Variants in COL4A2 observed in about 807,000 individuals in gnomAD.
COL4A2 encodes collagen type IV alpha 2 chain.
Under a neutral mutation model 200.2 loss-of-function variants are expected in COL4A2, and 99 were observed. The observed-to-expected ratio is 0.49, with a 90% CI of 0.42 to 0.58. The LOEUF is 0.58. COL4A2 is among the 20% of genes least tolerant of loss of function. The pLI, the probability that COL4A2 is intolerant of heterozygous loss-of-function variation, is 0.00. For missense variants in COL4A2, 1,950 were observed against 2,314.1 expected (o/e 0.84, Z 3.23); for synonymous variants, 897 against 900.6 (o/e 1.00, Z 0.07).
At chr13:110,473,502 T>G in intron 29 of COL4A2, 9 of 245,546 alleles carry the variant, frequency 3.7e-5, no homozygotes, top group East Asian at 8.2e-5. Context: ...AGATGGGCCC[T>G]GGCCATGCTT....
intron 3 of COL4A2, among the ~76,000 whole-genome samples, chr13:110,356,396 T>C (rs1877266251): frequency 2.0e-5 from 3 of 152,194 alleles, no homozygotes; most frequent in Non-Finnish European, 4.4e-5. Context: ...GCAAGTGATA[T>C]CGGTGGTGCA....
intron 4 of COL4A2, among the ~76,000 whole-genome samples, chr13:110,364,937 C>T (rs1594171483): frequency 1.3e-5 from 2 of 152,302 alleles, no homozygotes; most frequent in East Asian, 1.9e-4. Flanking sequence ...CTGAAGTACT[C>T]GCATAGCCAC....
chr13:110,449,165 C>T (rs1298697984), intron 18 of COL4A2, among the ~76,000 whole-genome samples: 1 of 152,238 alleles, frequency 6.6e-6, no homozygotes, highest in African/African-American at 2.4e-5. Context: ...TCTCATTCTT[C>T]TCATCTTTCC....
At chr13:110,475,918 G>A (rs964365994) in intron 29 of COL4A2, among the ~76,000 whole-genome samples, 2 of 152,256 alleles carry the variant, frequency 1.3e-5, no homozygotes, top group African/African-American at 4.8e-5. Flanking sequence ...CAGCTCTAAA[G>A]AAATAATCAC....
chr13:110,314,258 A>G lies in COL4A2; in HGVS notation c.99+6135A>G, dbSNP rs1450858727. Reference sequence around the variant, plus strand: ...CTCTGCAACTCTTCTGCAAATCTCAATTGCTTCAGAATTTTAAAATGCTCC... The same window carrying G: ...CTCTGCAACTCTTCTGCAAATCTCAGTTGCTTCAGAATTTTAAAATGCTCC... On this transcript the variant is annotated intron_variant, in intron 3 of 47. Coordinates refer to ENST00000360467, the MANE Select transcript of COL4A2 (RefSeq NM_001846.4). Among the ~76,000 whole-genome samples the G allele has an allele frequency of 7.9e-5, 12 of 152,268 alleles. No individual in the cohort carries two copies. The East Asian group carries it at 1.9e-3, about 24-fold the overall frequency.
At chr13:110,352,519 G>T (rs1877008079) in intron 3 of COL4A2, among the ~76,000 whole-genome samples, 1 of 152,234 alleles carries the variant, frequency 6.6e-6, no homozygotes, top group African/African-American at 2.4e-5. Context: ...CACAGTGCAT[G>T]GCTCAGAGGA....
intron 34 of COL4A2, among the ~76,000 whole-genome samples, chr13:110,487,567 A>G (rs1329136511): frequency 6.6e-6 from 1 of 152,276 alleles, no homozygotes; most frequent in East Asian, 1.9e-4. Flanking sequence ...ATGTCCATCA[A>G]CAGGGAAAAG....
Position 110,442,673 on chromosome 13 carries a change from T to G in COL4A2, c.957+2840T>G, listed in dbSNP as rs76197497. ...AGAACTTCTATTAGTTCCAGCCTTT[T>G]CTAAAAAGGAATGGAGACGTAGCAT... On this transcript the variant is annotated intron_variant, in intron 16 of 47. Transcript: ENST00000360467. Among the ~76,000 whole-genome samples the G allele has an allele frequency of 4.6e-3, 695 of 152,362 alleles. 2 individuals are homozygous for G. Among genetic ancestry groups the G allele is most frequent in the African/African-American group, 0.016 (657 of 41,580 alleles).
At position 110,438,673 on chromosome 13, in the gene COL4A2, A is replaced by C; in HGVS notation, c.912+5A>C. On this transcript the variant is annotated splice_donor_5th_base_variant and intron_variant, in intron 15 of 47. Coordinates refer to ENST00000360467, the MANE Select transcript of COL4A2 (RefSeq NM_001846.4). ...ATGGGCTTTCCTGGACTGAGGGTAA[A>C]CCACGCCTTTTATAACTGCAGTTGT... The C allele has an allele frequency of 6.2e-7, 1 of 1,614,018 alleles. No homozygotes were observed. The highest frequency in any genetic ancestry group is 2.2e-5 in the East Asian group (1 of 44,888).
chr13:110,357,589 C>T (rs1877335328), intron 4 of COL4A2, 37 bp downstream of exon 4: 1 of 1,553,544 alleles, frequency 6.4e-7, no homozygotes, highest in African/African-American at 1.4e-5. Context: ...TATTATCTTC[C>T]TCATACAGTC....
chr13:110,361,739 A>G (rs1320130905), intron 4 of COL4A2, among the ~76,000 whole-genome samples: 1 of 152,224 alleles, frequency 6.6e-6, no homozygotes, highest in African/African-American at 2.4e-5. Context: ...TGCTTCACCC[A>G]GACAGAACCA....
At position 110,479,897 on chromosome 13, in the gene COL4A2, G is replaced by T. The variant is rs573801060; in HGVS notation, c.2588-323G>T. Among the ~76,000 whole-genome samples, 81 of 152,308 alleles carry T rather than the reference G, an allele frequency of 5.3e-4. 1 individual carries two copies. Among genetic ancestry groups the T allele is most frequent in the African/African-American group, 1.9e-3 (80 of 41,572 alleles). On this transcript the variant is annotated intron_variant, in intron 30 of 47. Coordinates refer to ENST00000360467, the MANE Select transcript of COL4A2 (RefSeq NM_001846.4). ...GCTCTTGACTAACCCCAGTGACCAT[G>T]CCCCAGCCAGAGCTGGCAAGGCCCC... is the stretch of plus-strand genomic sequence containing the variant.
At position 110,482,611 on chromosome 13, in the gene COL4A2, T is replaced by G. The variant is rs1175807377; in HGVS notation, c.2854T>G (p.Phe952Val). Residue 952 changes from phenylalanine to valine, a missense_variant, in exon 32 of 48, where the codon TTC (phenylalanine) becomes GTC (valine). Coordinates refer to ENST00000360467, the MANE Select transcript of COL4A2 (RefSeq NM_001846.4). The stretch of plus-strand genomic sequence containing the variant: ...AGGGAGCAAAGGCGAGGCTGGATTT[T>G]TCGGAATACCCGGTCTGAAGGGTCT... The part of the protein sequence containing the change: ...FPGSKGEAGF[F>V]GIPGLKGLAG... 2 of 1,614,152 alleles carry G rather than the reference T, an allele frequency of 1.2e-6. No homozygotes were observed. The highest frequency in any genetic ancestry group is 4.5e-5 in the East Asian group (2 of 44,870).
intron 13 of COL4A2, among the ~76,000 whole-genome samples, chr13:110,436,864 C>T (rs1012994500): frequency 4.0e-5 from 6 of 151,778 alleles, no homozygotes; most frequent in South Asian, 2.1e-4. Flanking sequence ...TAGGAATTGC[C>T]GCGTCCACTC....
At chr13:110,479,789 G>A (rs1387692592) in intron 30 of COL4A2, among the ~76,000 whole-genome samples, 2 of 152,214 alleles carry the variant, frequency 1.3e-5, no homozygotes, top group East Asian at 3.9e-4. Flanking sequence ...ACCAGAGAGG[G>A]CAGCAGCAGC....
chr13:110,339,983 G>A (rs995875100), intron 3 of COL4A2, among the ~76,000 whole-genome samples: 12 of 152,216 alleles, frequency 7.9e-5, no homozygotes, highest in African/African-American at 2.7e-4. Context: ...TCATCCTGGC[G>A]GTTTATGACA....
chr13:110,439,941 A>G, intron 16 of COL4A2, 108 bp downstream of exon 16: 3 of 1,483,344 alleles, frequency 2.0e-6, no homozygotes, highest in African/African-American at 1.4e-5. Flanking sequence ...CCAGAAAAAA[A>G]CATTGAAAAT....
At chr13:110,416,577 C>T (rs550710601) in intron 4 of COL4A2, among the ~76,000 whole-genome samples, 2 of 152,344 alleles carry the variant, frequency 1.3e-5, no homozygotes, top group South Asian at 2.1e-4. Flanking sequence ...CACAACCACC[C>T]ATGTGCTGCC....
intron 3 of COL4A2, among the ~76,000 whole-genome samples, chr13:110,353,426 G>A (rs1158409370): frequency 6.6e-6 from 1 of 152,216 alleles, no homozygotes; most frequent in East Asian, 1.9e-4. Flanking sequence ...CAGGGTGGCA[G>A]CAGGTGCGTG....
Sources: allele counts gnomAD v4.1 joint callset (sites outside exome capture counted in the v4.1 genomes callset), GRCh38; gene constraint gnomAD v4.1.1; transcripts MANE v1.5; gene names NCBI Gene and HGNC (gene_info 2026-07-23, HGNC 2026-07-21).